TCP11L2: variants seen among roughly 807,000 people sequenced by gnomAD.
TCP11L2 encodes the protein T-complex protein 11-like protein 2.
Under a neutral mutation model 50.7 loss-of-function variants are expected in TCP11L2, and 39 were observed. That is an observed-to-expected ratio of 0.77 (90% CI 0.60 to 1.01). The LOEUF is 1.01. TCP11L2 is among the 50% of genes least tolerant of loss of function. TCP11L2 has a pLI of 0.00. For synonymous variants in TCP11L2, 192 were observed against 219.3 expected (o/e 0.88, Z 1.10); for missense variants, 612 against 614.7 (o/e 1.00, Z 0.05).
intron 6 of TCP11L2, among the ~76,000 whole-genome samples, chr12:106,335,148 A>G (rs1565858205): frequency 6.6e-6 from 1 of 152,194 alleles, no homozygotes; most frequent in Non-Finnish European, 1.5e-5. Flanking sequence ...TGTAATAATT[A>G]TACTCTATTT....
At chr12:106,313,270 A>G (rs552025078) in intron 2 of TCP11L2, among the ~76,000 whole-genome samples, 14 of 152,292 alleles carry the variant, frequency 9.2e-5, no homozygotes, top group South Asian at 8.3e-4. Context: ...TGTTTATACT[A>G]TACTGCCTAT....
At chr12:106,308,567 A>T (rs11832187) in intron 1 of TCP11L2, among the ~76,000 whole-genome samples, 5,894 of 152,268 alleles carry the variant, frequency 0.039, 401 homozygotes, top group African/African-American at 0.13. Context: ...AGGGCAACCG[A>T]AGTAGAGAAA....
rs184769943 is a variant in TCP11L2, at chr12:106,334,814, G to A, written c.773-825G>A. On this transcript the variant is annotated intron_variant, in intron 6 of 9. Coordinates refer to ENST00000299045, the MANE Select transcript of TCP11L2 (RefSeq NM_152772.3). ...AAATTATCTGGGTGTGGTGGTGCAC[G>A]CCTGTAGTCCCAGCTACTCAGGAGG... Among the ~76,000 whole-genome samples the A allele has an allele frequency of 5.5e-4, 84 of 152,154 alleles. 2 individuals carry two copies. The highest frequency in any genetic ancestry group is 4.7e-3 in the Admixed American group (72 of 15,282).
chr12:106,305,399 G>C (rs1032330519), intron 1 of TCP11L2, among the ~76,000 whole-genome samples: 13 of 152,182 alleles, frequency 8.5e-5, no homozygotes, highest in African/African-American at 2.9e-4. Flanking sequence ...GTCTTTGCTA[G>C]TTTGAATTTT....
chr12:106,329,797 C>G, intron 6 of TCP11L2: 1 of 989,892 alleles, frequency 1.0e-6, no homozygotes, highest in Non-Finnish European at 1.2e-6. Context: ...CTCGCGCTCT[C>G]TCAGTTGGAT....
At chr12:106,345,791 G>C (rs977673129) in intron 9 of TCP11L2, among the ~76,000 whole-genome samples, 1 of 152,164 alleles carries the variant, frequency 6.6e-6, no homozygotes, top group South Asian at 2.1e-4. Context: ...ACTCACTAAT[G>C]TATTTGTGGT....
At chr12:106,299,029 T>C (rs987796924), upstream of TCP11L2, among the ~76,000 whole-genome samples, 1 of 152,108 alleles carries the variant, frequency 6.6e-6, no homozygotes, top group Non-Finnish European at 1.5e-5. Context: ...TTGGTCAGGC[T>C]GGTCTCGAAC....
In TCP11L2 at chr12:106,310,907, G is replaced by A. The variant is rs1224979191; in HGVS notation, c.-35-134G>A. 6 of 731,490 alleles carry A rather than the reference G, an allele frequency of 8.2e-6. No homozygotes were observed. In the East Asian group the frequency reaches 1.1e-4, roughly 13 times the overall value. 45.3% of individuals were successfully genotyped at this position (731,490 alleles called of 1,614,324 possible). Reference sequence around the variant, plus strand: ...GCCTAGTCCGGCCAAGGTGCTGGGGGAAGGATGAGGTCATCTGGGGGCCTT... The same window carrying A: ...GCCTAGTCCGGCCAAGGTGCTGGGGAAAGGATGAGGTCATCTGGGGGCCTT... On this transcript the variant is annotated intron_variant, in intron 1 of 9. Coordinates refer to ENST00000299045, the MANE Select transcript of TCP11L2 (RefSeq NM_152772.3).
chr12:106,310,258 C>T (rs1460359923), intron 1 of TCP11L2, among the ~76,000 whole-genome samples: 1 of 152,186 alleles, frequency 6.6e-6, no homozygotes, highest in East Asian at 1.9e-4. Flanking sequence ...AGTCTGTTCC[C>T]CCACTTGTGA....
chr12:106,341,459 T>C (rs557035478), intron 9 of TCP11L2, among the ~76,000 whole-genome samples: 1 of 152,324 alleles, frequency 6.6e-6, no homozygotes, highest in Non-Finnish European at 1.5e-5. Context: ...ATTGACTGTC[T>C]CAAAGTCAAG....
chr12:106,300,056 A>T (rs1483581762), upstream of TCP11L2, among the ~76,000 whole-genome samples: 2 of 152,160 alleles, frequency 1.3e-5, no homozygotes, highest in African/African-American at 4.8e-5. Flanking sequence ...TATTACTGTG[A>T]GTTCTCTAAG....
At chr12:106,326,868 G>A (rs951200231) in intron 6 of TCP11L2, among the ~76,000 whole-genome samples, 4 of 152,222 alleles carry the variant, frequency 2.6e-5, no homozygotes, top group Admixed American at 2.6e-4. Flanking sequence ...TTTAAGTTTT[G>A]TTCTATAACA....
chr12:106,342,897 G>A (rs1241060529), intron 9 of TCP11L2, among the ~76,000 whole-genome samples: 4 of 152,184 alleles, frequency 2.6e-5, no homozygotes, highest in African/African-American at 9.7e-5. Context: ...GGAAATGCTT[G>A]CAGTATCAGA....
At chr12:106,324,427 A>G (rs1353413059) in intron 6 of TCP11L2, 1 of 152,194 alleles carries the variant, frequency 6.6e-6, no homozygotes, top group Non-Finnish European at 1.5e-5. Flanking sequence ...TGAAAAGGAG[A>G]TAAAGGCAGG....
In TCP11L2 at chr12:106,335,835, T is replaced by C. The variant is rs1268869402; in HGVS notation, c.960+9T>C. 1.2e-6 allele frequency: 2 copies of C among 1,607,646 alleles called. No homozygotes were observed. Among genetic ancestry groups the C allele is most frequent in the Non-Finnish European group, 1.7e-6 (2 of 1,177,378 alleles). The stretch of plus-strand genomic sequence containing the variant: ...AAAAAGAATTACCAGAGGTGAGTGG[T>C]TTTGTTCTTCACCCAAATTTCCCAG... On this transcript the variant is annotated intron_variant, in intron 7 of 9. Transcript: ENST00000299045.
At chr12:106,341,420 G>C (rs2036091679) in intron 9 of TCP11L2, among the ~76,000 whole-genome samples, 1 of 149,410 alleles carries the variant, frequency 6.7e-6, no homozygotes, top group Non-Finnish European at 1.5e-5. Flanking sequence ...ATAGTGTGTA[G>C]GCTTCTTTTT....
At chr12:106,343,212 C>A (rs1487146079) in intron 9 of TCP11L2, among the ~76,000 whole-genome samples, 1 of 152,178 alleles carries the variant, frequency 6.6e-6, no homozygotes. Context: ...GCAAAAGAGG[C>A]AGAACCACTT....
intron 6 of TCP11L2, chr12:106,330,410 C>G: frequency 1.5e-6 from 1 of 655,494 alleles, no homozygotes; most frequent in Non-Finnish European, 1.9e-6. Context: ...TCTGGAGACA[C>G]TTGTATGTCC....
At chr12:106,329,749 T>C (rs781491942) in intron 6 of TCP11L2, 5 of 1,018,398 alleles carry the variant, frequency 4.9e-6, no homozygotes, top group Non-Finnish European at 5.9e-6. Flanking sequence ...TAAATGCTTA[T>C]TACTGCCACA....
Sources: gnomAD v4.1 joint callset for allele counts (sites outside exome capture counted in the v4.1 genomes callset) on GRCh38, gnomAD v4.1.1 for gene constraint, MANE v1.5 for transcripts, NCBI Gene and HGNC (gene_info 2026-07-23, HGNC 2026-07-21) for gene names.